Variants in TNPO1 observed in about 807,000 individuals in gnomAD.
TNPO1 encodes transportin 1.
A neutral mutation model predicts 119.5 loss-of-function variants in TNPO1; 8 were observed. The ratio of observed to expected loss-of-function variants is 0.07; its 90% CI spans 0.04 to 0.12. The LOEUF is 0.12. Ranked by LOEUF, TNPO1 falls within the 10% of genes least tolerant of loss-of-function variation. The pLI is 1.00. For missense variants in TNPO1, 576 were observed against 1,089.8 expected (o/e 0.53, Z 6.64); for synonymous variants, 362 against 363.0 (o/e 1.00, Z 0.03).
intron 24 of TNPO1, among the ~76,000 whole-genome samples, chr5:72,905,891 C>T (rs1326103711): frequency 6.6e-6 from 1 of 152,008 alleles, no homozygotes; most frequent in Non-Finnish European, 1.5e-5. Context: ...AGCAAGACTC[C>T]ATCTCAAATA....
chr5:72,848,330 G>C, intron 1 of TNPO1, 55 bp from the exon 2 acceptor site: 2 of 1,542,714 alleles, frequency 1.3e-6, no homozygotes, highest in Admixed American at 1.9e-5. Flanking sequence ...CTCTGGGCCT[G>C]TGCACCGGGA....
chr5:72,892,448 C>A (rs1310057763), intron 15 of TNPO1, among the ~76,000 whole-genome samples: 3 of 152,004 alleles, frequency 2.0e-5, no homozygotes, highest in Non-Finnish European at 4.4e-5. Context: ...CATCTTCTAC[C>A]GTGGATTGTT....
rs975455995 is a variant in TNPO1, at chr5:72,890,179, A to T, written c.1701+222A>T. ...TGTGGAAACTACAGCAGCATTTCAC[A>T]TGAATGCTCTGATACTTTTTAGAAT... On this transcript the variant is annotated intron_variant, in intron 14 of 24. Coordinates refer to ENST00000337273, the MANE Select transcript of TNPO1 (RefSeq NM_002270.4). Among the ~76,000 whole-genome samples, 3 of 152,358 alleles carry T rather than the reference A, an allele frequency of 2.0e-5. 1 individual carries two copies. Among genetic ancestry groups the T allele is most frequent in the Admixed American group, 2.0e-4 (3 of 15,304 alleles).
Position 72,914,362 on chromosome 5 carries a change from C to T in TNPO1, c.*5689C>T, listed in dbSNP as rs1388568649. 6.6e-6 allele frequency: 1 copy of T among 152,548 alleles called. No homozygotes were observed. Among genetic ancestry groups the T allele is most frequent in the East Asian group, 1.9e-4 (1 of 5,196 alleles). The allele number at this position is 152,548 out of a possible 1,614,324, so 9.4% of individuals were successfully genotyped here. A position where few individuals can be genotyped will look rare whatever the true frequency, so the allele number is the denominator to read the frequency against. ...GATGTGAATGTTAATCACTGCTTGACTATGTTAATAAAGTTGTTTAACTAT... is the reference window on the plus strand; with the variant it reads ...GATGTGAATGTTAATCACTGCTTGATTATGTTAATAAAGTTGTTTAACTAT... On this transcript the variant is annotated 3_prime_UTR_variant, in exon 25 of 25. Transcript: ENST00000337273.
intron 1 of TNPO1, among the ~76,000 whole-genome samples, chr5:72,846,821 CAAATA>C (rs1453368453): frequency 6.6e-6 from 1 of 151,964 alleles, no homozygotes; most frequent in Non-Finnish European, 1.5e-5. Context: ...TATATTGTAT[CAAATA>C]AAAGTGTATA....
chr5:72,850,114 A>T (rs1167981387), intron 2 of TNPO1, among the ~76,000 whole-genome samples: 1 of 152,194 alleles, frequency 6.6e-6, no homozygotes, highest in Non-Finnish European at 1.5e-5. Flanking sequence ...CTGCTGTTTC[A>T]GAGTGCCTTA....
rs1417567342 is a variant in TNPO1, at chr5:72,850,630, A to T, written c.130-614A>T. 3.9e-5 allele frequency among the ~76,000 whole-genome samples: 6 copies of T among 152,342 alleles called. No individual in the cohort carries two copies. The Middle Eastern group carries it at 0.01, about 259-fold the overall frequency. ...ACAGCTGCCTCCCGACAGCGATGAA[A>T]TACCTGCAAATTGGTATCACTAAAA... On this transcript the variant is annotated intron_variant, in intron 2 of 24. Coordinates refer to ENST00000337273, the MANE Select transcript of TNPO1 (RefSeq NM_002270.4).
At chr5:72,880,816 CA>C (rs35726893) in intron 9 of TNPO1, among the ~76,000 whole-genome samples, 82 of 101,150 alleles carry the variant, frequency 8.1e-4, no homozygotes, top group African/African-American at 1.6e-3. Context: ...GACTCCATCT[CA>C]AAAAAAAAAA....
chr5:72,913,974 A>G lies in TNPO1; in HGVS notation c.*5301A>G, dbSNP rs956865355. 7 of 152,570 alleles carry G rather than the reference A, an allele frequency of 4.6e-5. No individual in the cohort carries two copies. The highest frequency in any genetic ancestry group is 7.4e-5 in the Non-Finnish European group (5 of 67,970). The allele number at this position is 152,570 out of a possible 1,614,324, so 9.5% of individuals were successfully genotyped here. A position where few individuals can be genotyped will look rare whatever the true frequency, so the allele number is the denominator to read the frequency against. ...ACTTAATATGTTAACATTGGGTGCA[A>G]TAATTTAGTAGCATTAGCTTTAGTT... is the stretch of plus-strand genomic sequence containing the variant. On this transcript the variant is annotated 3_prime_UTR_variant, in exon 25 of 25. Coordinates refer to ENST00000337273, the MANE Select transcript of TNPO1 (RefSeq NM_002270.4).
intron 1 of TNPO1, among the ~76,000 whole-genome samples, chr5:72,818,223 C>T (rs762411834): frequency 1.3e-5 from 2 of 152,230 alleles, no homozygotes; most frequent in African/African-American, 4.8e-5. Flanking sequence ...TTAAATTCCT[C>T]CCACTGAAAT....
intron 6 of TNPO1, among the ~76,000 whole-genome samples, chr5:72,870,234 C>T (rs972630819): frequency 7.0e-6 from 1 of 142,810 alleles, no homozygotes; most frequent in African/African-American, 2.6e-5. Flanking sequence ...TATCCCTGCT[C>T]ACTGCAACCT....
At chr5:72,839,920 A>T (rs553536911) in intron 1 of TNPO1, among the ~76,000 whole-genome samples, 1 of 152,304 alleles carries the variant, frequency 6.6e-6, no homozygotes, top group African/African-American at 2.4e-5. Context: ...TTTGAGGGTG[A>T]CAATGAGATA....
chr5:72,829,778 C>T (rs556319940), intron 1 of TNPO1, among the ~76,000 whole-genome samples: 10 of 152,234 alleles, frequency 6.6e-5, no homozygotes, highest in Admixed American at 6.5e-4. Context: ...GAGACAAGAG[C>T]CCCAGATTCC....
intron 13 of TNPO1, among the ~76,000 whole-genome samples, chr5:72,888,870 G>T (rs1052012353): frequency 6.6e-6 from 1 of 152,022 alleles, no homozygotes; most frequent in Non-Finnish European, 1.5e-5. Context: ...TTGGTTTGGT[G>T]GCTGTCTCTT....
chr5:72,875,842 A>G (rs1747725036), intron 8 of TNPO1, 105 bp downstream of exon 8: 2 of 1,297,458 alleles, frequency 1.5e-6, no homozygotes, highest in Middle Eastern at 2.1e-4. Flanking sequence ...AAATAGTTAT[A>G]ATTGTCTTAA....
At chr5:72,905,754 G>A (rs1271151633) in intron 24 of TNPO1, among the ~76,000 whole-genome samples, 7 of 152,134 alleles carry the variant, frequency 4.6e-5, no homozygotes, top group Non-Finnish European at 8.8e-5. Context: ...AATTAGCCAC[G>A]TGTGGTGGGA....
At chr5:72,818,078 T>C (rs533174024) in intron 1 of TNPO1, among the ~76,000 whole-genome samples, 1 of 152,362 alleles carries the variant, frequency 6.6e-6, no homozygotes, top group South Asian at 2.1e-4. Flanking sequence ...CATAAATTTA[T>C]ACTAGCTTGG....
chr5:72,900,094 C>T lies in TNPO1; in HGVS notation c.2414+13C>T. 6.2e-7 allele frequency: 1 copy of T among 1,601,074 alleles called. No individual in the cohort carries two copies. Among genetic ancestry groups the T allele is most frequent in the Non-Finnish European group, 8.5e-7 (1 of 1,170,568 alleles). ...TTATAAGACCCTGGTGTGTATTATT[C>T]AATCTTTTTTTTTAATTCATTTTTC... On this transcript the variant is annotated intron_variant, in intron 21 of 24. Transcript: ENST00000337273.
At chr5:72,899,960 C>T (rs1749695321) in intron 20 of TNPO1, 46 bp from the exon 21 acceptor site, 1 of 1,522,966 alleles carries the variant, frequency 6.6e-7, no homozygotes, top group Non-Finnish European at 9.1e-7. Context: ...TTGCTCATGT[C>T]TTGGTTGGCG....
Sources: allele counts gnomAD v4.1 joint callset (sites outside exome capture counted in the v4.1 genomes callset), GRCh38; gene constraint gnomAD v4.1.1; transcripts MANE v1.5; gene names NCBI Gene and HGNC (gene_info 2026-07-23, HGNC 2026-07-21).